The following SAMD12 variants were observed in gnomAD, a reference collection of about 807,000 sequenced individuals.
SAMD12 encodes sterile alpha motif domain-containing protein 12.
SAMD12 carries 9 observed loss-of-function variants against 15.0 expected under a neutral mutation model. The observed-to-expected ratio is 0.60, with a 90% confidence interval of 0.36 to 1.05. The LOEUF (loss-of-function observed/expected upper bound fraction) is 1.05. Among genes scored for constraint, SAMD12 ranks in the 50% least tolerant of loss-of-function variants. The probability of loss-of-function intolerance (pLI) is 0.01; values close to 1 mark genes in which losing one functional copy is unlikely to be tolerated. For missense variants in SAMD12, 230 were observed against 234.2 expected (o/e 0.98, Z 0.12); for synonymous variants, 86 against 90.1 (o/e 0.96, Z 0.25).
chr8:118,144,955 C>T, the SAMD12 span, among the ~76,000 whole-genome samples: 2 of 152,170 alleles, frequency 1.3e-5, no homozygotes, highest in African/African-American at 4.8e-5. Flanking sequence ...GGTTTGCTTG[C>T]CTCAAGGAGT....
chr8:118,468,174 G>A (rs1162707935), intron 2 of SAMD12, among the ~76,000 whole-genome samples: 5 of 152,122 alleles, frequency 3.3e-5, no homozygotes, highest in African/African-American at 1.2e-4. Flanking sequence ...CACATCCCAG[G>A]CCCACTCCTA....
chr8:118,337,922 A>G (rs1217991815), intron 4 of SAMD12, among the ~76,000 whole-genome samples: 3 of 152,228 alleles, frequency 2.0e-5, no homozygotes, highest in Middle Eastern at 3.2e-3. Context: ...CAAATCTTCT[A>G]TCCATTAAAT....
At chr8:118,216,725 A>C (rs1463011428) in intron 4 of SAMD12, among the ~76,000 whole-genome samples, 1 of 152,188 alleles carries the variant, frequency 6.6e-6, no homozygotes, top group East Asian at 1.9e-4. Context: ...TAGCATAATA[A>C]ATAACTGATG....
chr8:118,476,913 A>G (rs946734035), intron 2 of SAMD12, among the ~76,000 whole-genome samples: 4 of 152,078 alleles, frequency 2.6e-5, no homozygotes, highest in African/African-American at 9.7e-5. Flanking sequence ...ATTGTCAGCA[A>G]TGGTACAAAC....
chr8:118,287,225 G>C lies in SAMD12; in HGVS notation c.434-89493C>G, dbSNP rs144108978. On this transcript the variant is annotated intron_variant, in intron 4 of 4. Coordinates refer to the SAMD12 transcript ENST00000409003. ...CTGCAAGCTCCGCCTCCCGGGTTCA[G>C]GCCATTCTCCTGCCTCAGCCTTCCG... Among the ~76,000 whole-genome samples, 833 of 151,158 alleles carry C rather than the reference G, an allele frequency of 5.5e-3. 8 individuals are homozygous for C. The highest frequency in any genetic ancestry group is 0.019 in the African/African-American group (793 of 40,988).
chr8:118,277,713 T>C (rs1023399106), intron 4 of SAMD12, among the ~76,000 whole-genome samples: 1 of 152,204 alleles, frequency 6.6e-6, no homozygotes, highest in South Asian at 2.1e-4. Context: ...CTGACTTTAT[T>C]TAATCCTTAT....
chr8:118,493,773 C>T lies in SAMD12; in HGVS notation c.193-53812G>A, dbSNP rs192415144. Among the ~76,000 whole-genome samples, 10 of 152,214 alleles carry T rather than the reference C, an allele frequency of 6.6e-5. No individual in the cohort carries two copies. The East Asian group carries it at 1.7e-3, about 26-fold the overall frequency. The stretch of plus-strand genomic sequence containing the variant: ...CAGGTGTGCAACCTTGGGTGGAACA[C>T]TCAGACCAAGGAGGAAGGACTGAAA... On this transcript the variant is annotated intron_variant, in intron 2 of 3. Coordinates refer to ENST00000314727, the MANE Select transcript of SAMD12 (RefSeq NM_207506.3).
the SAMD12 span, among the ~76,000 whole-genome samples, chr8:118,165,525 GTATTAC>G: frequency 6.7e-6 from 1 of 148,984 alleles, no homozygotes; most frequent in Non-Finnish European, 1.5e-5. Flanking sequence ...TAAAATGCTG[GTATTAC>G]AGGCATGGGC....
At chr8:118,281,338 T>A (rs1359864371) in intron 4 of SAMD12, among the ~76,000 whole-genome samples, 2 of 152,086 alleles carry the variant, frequency 1.3e-5, no homozygotes, top group Non-Finnish European at 2.9e-5. Context: ...GGGGAGGAGA[T>A]CCCCTTCCTT....
At chr8:118,438,457 G>A (rs1178072227) in intron 3 of SAMD12, among the ~76,000 whole-genome samples, 1 of 151,226 alleles carries the variant, frequency 6.6e-6, no homozygotes, top group Admixed American at 6.6e-5. Context: ...AATCAATCAA[G>A]TTTTCTGTAT....
intron 4 of SAMD12, among the ~76,000 whole-genome samples, chr8:118,323,641 C>T (rs1586526891): frequency 6.6e-6 from 1 of 152,084 alleles, no homozygotes; most frequent in Admixed American, 6.6e-5. Context: ...TGGTGACACA[C>T]ACCTGTAGTC....
intron 4 of SAMD12, among the ~76,000 whole-genome samples, chr8:118,257,301 A>G (rs1409932226): frequency 1.3e-5 from 2 of 152,120 alleles, no homozygotes; most frequent in Non-Finnish European, 2.9e-5. Context: ...AAAAGTCACC[A>G]TAATAAAAAA....
At chr8:118,213,492 C>T (rs1811887182) in intron 4 of SAMD12, among the ~76,000 whole-genome samples, 1 of 152,210 alleles carries the variant, frequency 6.6e-6, no homozygotes, top group African/African-American at 2.4e-5. Context: ...CTAGCCATTT[C>T]AGTGAAACAT....
intron 2 of SAMD12, among the ~76,000 whole-genome samples, chr8:118,455,367 A>T (rs1815559384): frequency 6.6e-6 from 1 of 152,138 alleles, no homozygotes; most frequent in African/African-American, 2.4e-5. Flanking sequence ...ATCTATATTT[A>T]AAAAAGCTTT....
At chr8:118,548,376 AACACACAT>A (rs1554583399) in intron 2 of SAMD12, among the ~76,000 whole-genome samples, 9 of 126,720 alleles carry the variant, frequency 7.1e-5, no homozygotes, top group South Asian at 5.3e-4. Context: ...TTACACTAAA[AACACACAT>A]ACACACACAC....
rs1209005975 is a variant in SAMD12 at position 118,399,190 on chromosome 8, ATTT to A, written c.323-19493_323-19491del. 1.6e-4 allele frequency among the ~76,000 whole-genome samples: 18 copies of A among 112,530 alleles called. No homozygotes were observed. In the East Asian group the frequency reaches 2.8e-3, roughly 17 times the overall value. 73.8% of individuals were successfully genotyped at this position (112,530 alleles called of 152,430 possible). ...TGAGCCATCACACCAGGCCCGATAA[ATTT>A]TTTTTTTCTTTTTTTTTTTTTAATA... On this transcript the variant is annotated intron_variant, in intron 3 of 3. Coordinates refer to ENST00000314727, the MANE Select transcript of SAMD12 (RefSeq NM_207506.3).
intron 4 of SAMD12, among the ~76,000 whole-genome samples, chr8:118,230,187 G>A (rs769344975): frequency 3.9e-4 from 59 of 152,222 alleles, no homozygotes; most frequent in Admixed American, 3.9e-4. Context: ...CATGCTAAGC[G>A]TTTCACTTGA....
intron 4 of SAMD12, among the ~76,000 whole-genome samples, chr8:118,249,919 T>C (rs1190710209): frequency 3.9e-5 from 6 of 152,232 alleles, no homozygotes; most frequent in African/African-American, 9.6e-5. Context: ...GCCTCATCAC[T>C]ATTTGGGTGA....
chr8:118,549,556 G>T (rs1826253656), intron 2 of SAMD12, among the ~76,000 whole-genome samples: 1 of 152,176 alleles, frequency 6.6e-6, no homozygotes, highest in East Asian at 1.9e-4. Context: ...GAGGCCAAAA[G>T]TAGATAAAAC....
Sources: allele counts gnomAD v4.1 joint callset (sites outside exome capture counted in the v4.1 genomes callset), GRCh38; gene constraint gnomAD v4.1.1; transcripts MANE v1.5; gene names NCBI Gene and HGNC (gene_info 2026-07-23, HGNC 2026-07-21).